Variants in ECE1 observed in about 807,000 individuals in gnomAD.
ECE1 encodes endothelin converting enzyme 1.
ECE1 carries 35 observed loss-of-function variants against 98.6 expected under a neutral mutation model. The ratio of observed to expected loss-of-function variants is 0.35; its 90% CI spans 0.27 to 0.47. The LOEUF (loss-of-function observed/expected upper bound fraction) is 0.47, where lower values mean the gene tolerates loss of function less well. Ranked by LOEUF, ECE1 falls within the 20% of genes least tolerant of loss-of-function variation. The pLI, the probability that ECE1 is intolerant of heterozygous loss-of-function variation, is 1.00. For missense variants in ECE1, 814 were observed against 1,025.3 expected, an observed-to-expected ratio of 0.79 and a Z score of 2.81; for synonymous variants, 394 against 407.1, an observed-to-expected ratio of 0.97 and a Z score of 0.39.
At chr1:21,291,163 C>A (rs2103363426), upstream of ECE1, among the ~76,000 whole-genome samples, 1 of 152,236 alleles carries the variant, frequency 6.6e-6, no homozygotes, top group Non-Finnish European at 1.5e-5. Context: ...GAGCCCTCTC[C>A]TATAACCCTA....
intron 1 of ECE1, among the ~76,000 whole-genome samples, chr1:21,336,499 A>G (rs1006668045): frequency 6.6e-6 from 1 of 152,146 alleles, no homozygotes; most frequent in African/African-American, 2.4e-5. Context: ...GTTCGAGACC[A>G]GGCTGGCCAA....
At chr1:21,243,147 T>C (rs889534322) in intron 10 of ECE1, among the ~76,000 whole-genome samples, 1 of 152,196 alleles carries the variant, frequency 6.6e-6, no homozygotes, top group Non-Finnish European at 1.5e-5. Context: ...TCTCCACTTA[T>C]AAGCAACTTT....
intron 8 of ECE1, among the ~76,000 whole-genome samples, chr1:21,250,586 C>T (rs1483696451): frequency 1.3e-5 from 2 of 152,224 alleles, no homozygotes; most frequent in East Asian, 3.8e-4. Flanking sequence ...AGAGGCTCCA[C>T]ATATGGCCTT....
chr1:21,262,893 G>A (rs973992768), intron 4 of ECE1, among the ~76,000 whole-genome samples: 10 of 152,182 alleles, frequency 6.6e-5, no homozygotes, highest in African/African-American at 1.9e-4. Flanking sequence ...CCTGGCAACC[G>A]CCAGGCCGGG....
At chr1:21,275,316 C>A (rs1486514889) in intron 3 of ECE1, among the ~76,000 whole-genome samples, 1 of 152,026 alleles carries the variant, frequency 6.6e-6, no homozygotes, top group Admixed American at 6.6e-5. Context: ...TCTCAGAGGC[C>A]GGGCTCGGTG....
chr1:21,281,082 C>T (rs370734559), intron 2 of ECE1, among the ~76,000 whole-genome samples: 42 of 152,170 alleles, frequency 2.8e-4, no homozygotes, highest in Middle Eastern at 6.8e-3. Flanking sequence ...CCCAGCTACT[C>T]GGGAGGCTGA....
intron 7 of ECE1, 35 bp from the exon 8 acceptor site, chr1:21,256,173 C>A (rs774919984): frequency 6.4e-7 from 1 of 1,571,460 alleles, no homozygotes; most frequent in Non-Finnish European, 8.7e-7. Flanking sequence ...TCAGTGGCTG[C>A]CCCCCCACTA....
intron 2 of ECE1, among the ~76,000 whole-genome samples, chr1:21,283,256 T>C (rs1236574134): frequency 6.7e-6 from 1 of 149,542 alleles, no homozygotes; most frequent in South Asian, 2.1e-4. Context: ...ATAACATTCC[T>C]TTTTTTGAAT....
At chr1:21,240,887 T>C (rs1421823961) in intron 10 of ECE1, among the ~76,000 whole-genome samples, 2 of 152,250 alleles carry the variant, frequency 1.3e-5, no homozygotes, top group Non-Finnish European at 2.9e-5. Flanking sequence ...GATAAACCCA[T>C]TCCTTCACAC....
chr1:21,234,894 G>A (rs545686055), intron 13 of ECE1, among the ~76,000 whole-genome samples: 14 of 152,322 alleles, frequency 9.2e-5, no homozygotes, highest in African/African-American at 3.1e-4. Context: ...AGGATCTTGC[G>A]TCATGACACT....
chr1:21,344,177 G>C (rs995432781), intron 1 of ECE1, among the ~76,000 whole-genome samples: 1 of 152,164 alleles, frequency 6.6e-6, no homozygotes, highest in Non-Finnish European at 1.5e-5. Flanking sequence ...GAGAGATGGG[G>C]GGGCGGGTTG....
chr1:21,226,936 C>T (rs1265512558), intron 16 of ECE1, among the ~76,000 whole-genome samples: 1 of 152,142 alleles, frequency 6.6e-6, no homozygotes, highest in Non-Finnish European at 1.5e-5. Context: ...GTTGGCCAGG[C>T]TGATCTCGAA....
At chr1:21,332,718 AG>A (rs1342078210) in intron 1 of ECE1, among the ~76,000 whole-genome samples, 1 of 392 alleles carries the variant, frequency 2.6e-3, no homozygotes, top group Non-Finnish European at 5.9e-3. Context: ...GAGGGAGGGG[AG>A]GGGAGGGGAG....
rs1456626988 is a variant in ECE1, at chr1:21,311,390, G to A, written c.4-21234C>T. Among the ~76,000 whole-genome samples, 6 of 152,044 alleles carry A rather than the reference G, an allele frequency of 3.9e-5. No individual in the cohort carries two copies. The East Asian group carries it at 5.8e-4, about 15-fold the overall frequency. ...CAGGGCAAGTGAGAAAAGAGCATGC[G>A]GGCCGGGCATGGGGGTTCACGCCTG... On this transcript the variant is annotated intron_variant, in intron 1 of 18. Coordinates refer to the ECE1 transcript ENST00000415912.
At chr1:21,328,058 G>A (rs1308106160) in intron 1 of ECE1, among the ~76,000 whole-genome samples, 5 of 152,160 alleles carry the variant, frequency 3.3e-5, no homozygotes, top group Non-Finnish European at 7.3e-5. Flanking sequence ...CCCTGTCCAT[G>A]GAAAAATTGT....
intron 4 of ECE1, among the ~76,000 whole-genome samples, chr1:21,262,109 C>G (rs560370609): frequency 9.9e-5 from 15 of 152,220 alleles, no homozygotes; most frequent in African/African-American, 3.1e-4. Flanking sequence ...GTCTTGCTGA[C>G]CTCAGGGTGA....
upstream of ECE1, chr1:21,293,807 T>A (rs1388719613): frequency 6.6e-6 from 1 of 152,364 alleles, no homozygotes; most frequent in South Asian, 2.1e-4. Context: ...ACTACCCCAA[T>A]GGCTCCCCAC....
At chr1:21,306,440 G>A (rs1048786802) in intron 1 of ECE1, among the ~76,000 whole-genome samples, 1 of 151,834 alleles carries the variant, frequency 6.6e-6, no homozygotes, top group Non-Finnish European at 1.5e-5. Context: ...GGGTTCAAGC[G>A]ATTCTCCCGC....
rs1163848881 is a variant in ECE1, at chr1:21,222,926, C to T, written c.2041-1084G>A. Among the ~76,000 whole-genome samples, 3 of 146,486 alleles carry T rather than the reference C, an allele frequency of 2.0e-5. No individual in the cohort carries two copies. The Admixed American group carries it at 2.1e-4, about 10-fold the overall frequency. On this transcript the variant is annotated intron_variant, in intron 17 of 18. Transcript: ENST00000374893. ...CGCCAAGAAACTTCATTTACAAAAA[C>T]AGCCTCACAGCTAGATTCGGCCCAT...
Sources: allele counts gnomAD v4.1 joint callset (sites outside exome capture counted in the v4.1 genomes callset), GRCh38; gene constraint gnomAD v4.1.1; transcripts MANE v1.5; gene names NCBI Gene and HGNC (gene_info 2026-07-23, HGNC 2026-07-21).